The following MED15 variants were observed in gnomAD, a reference collection of about 807,000 sequenced individuals.
MED15 encodes mediator complex subunit 15, also known as mediator of RNA polymerase II transcription subunit 15.
A neutral mutation model predicts 118.7 loss-of-function variants in MED15; 41 were observed. The observed-to-expected ratio is 0.35, with a 90% confidence interval of 0.27 to 0.45. MED15 has a LOEUF of 0.45. Ranked by LOEUF, MED15 falls within the 20% of genes least tolerant of loss-of-function variation. MED15 has a pLI of 1.00. For synonymous variants in MED15, 436 were observed against 413.9 expected, an observed-to-expected ratio of 1.05 and a Z score of -0.65; for missense variants, 740 against 1,025.5, an observed-to-expected ratio of 0.72 and a Z score of 3.80.
At chr22:20,569,196 TGTTA>T (rs2056554982) in intron 8 of MED15, among the ~76,000 whole-genome samples, 4 of 152,070 alleles carry the variant, frequency 2.6e-5, no homozygotes, top group Admixed American at 2.0e-4. Context: ...GTGTGTCACG[TGTTA>T]GTGGAATGCA....
intron 7 of MED15, among the ~76,000 whole-genome samples, chr22:20,567,726 CAGGGTTTGCCCTGGT>C (rs1219947726): frequency 1.3e-5 from 2 of 152,148 alleles, no homozygotes; most frequent in African/African-American, 4.8e-5. Context: ...TGTGCCCTGG[CAGGGTTTGCCCTGGT>C]GACTTGGAGA....
At chr22:20,560,214 A>G (rs1405855670) in intron 5 of MED15, among the ~76,000 whole-genome samples, 1 of 152,020 alleles carries the variant, frequency 6.6e-6, no homozygotes, top group Non-Finnish European at 1.5e-5. Flanking sequence ...AGTCAGGCTA[A>G]CCTCCATACA....
chr22:20,548,725 C>T (rs2055653932), intron 2 of MED15, among the ~76,000 whole-genome samples: 1 of 152,220 alleles, frequency 6.6e-6, no homozygotes, highest in African/African-American at 2.4e-5. Context: ...TCTATCCTTT[C>T]TCCTTCCTTG....
rs762035348 is a variant in MED15 at position 20,564,411 on chromosome 22, T to C, written c.452-39T>C. The C allele has an allele frequency of 2.4e-5, 39 of 1,609,636 alleles. No homozygotes were observed. The Admixed American group carries it at 4.2e-4, about 17-fold the overall frequency. ...CAGCCCTGCAGCGTTTCTGGGAATC[T>C]GCCCTGTGGACTGACTGGCGACTCT... is the stretch of plus-strand genomic sequence containing the variant. On this transcript the variant is annotated intron_variant, in intron 5 of 17. Transcript: ENST00000263205.
chr22:20,583,816 CA>C (rs1223794294), intron 13 of MED15: 3 of 235,048 alleles, frequency 1.3e-5, no homozygotes, highest in Admixed American at 1.0e-4. Flanking sequence ...GAAAATGAAA[CA>C]AGGTGGCGCT....
At position 20,586,642 on chromosome 22, in the gene MED15, G is replaced by C. The variant is rs776439071; in HGVS notation, c.2305G>C (p.Val769Leu). 6.2e-7 allele frequency: 1 copy of C among 1,613,016 alleles called. No individual in the cohort carries two copies. Among genetic ancestry groups the C allele is most frequent in the Admixed American group, 1.7e-5 (1 of 60,026 alleles). The part of the protein sequence containing the change: ...RLLQLPDKHS[V>L]TALLNTWAQS... ...GCTGCAGCTCCCGGACAAGCACTCG[G>C]TCACCGCCTTGCTCAACACCTGGGC... Residue 769 changes from valine to leucine, a missense_variant, in exon 18 of 18, where the codon GTC becomes CTC. Val to Leu is a conservative substitution (Grantham distance 32). Coordinates refer to ENST00000263205, the MANE Select transcript of MED15 (RefSeq NM_001003891.3).
At chr22:20,541,375 A>G (rs2055303324) in intron 2 of MED15, among the ~76,000 whole-genome samples, 2 of 152,372 alleles carry the variant, frequency 1.3e-5, no homozygotes, top group South Asian at 2.1e-4. Context: ...ATCACTAGTC[A>G]TTAGGGGATT....
chr22:20,577,637 TC>T lies in MED15; in HGVS notation c.1272+2406del, dbSNP rs1214715745. 1.3e-4 allele frequency among the ~76,000 whole-genome samples: 20 copies of T among 152,012 alleles called. No individual in the cohort carries two copies. The East Asian group carries it at 3.1e-3, about 24-fold the overall frequency. ...CCTTGGAATAAATGCCATGGAGAAT[TC>T]TGGTTTGTCCTCATTGCACTGTGTG... On this transcript the variant is annotated intron_variant, in intron 9 of 17. Transcript: ENST00000263205.
intron 3 of MED15, chr22:20,552,500 C>G (rs1181401267): frequency 2.3e-6 from 1 of 429,630 alleles, no homozygotes; most frequent in Non-Finnish European, 4.8e-6. Context: ...GATGATCTGG[C>G]CCAGATGCGC....
At chr22:20,513,232 G>A (rs990360275) in intron 1 of MED15, among the ~76,000 whole-genome samples, 5 of 151,878 alleles carry the variant, frequency 3.3e-5, no homozygotes, top group Admixed American at 2.6e-4. Context: ...TGAAGCTCTG[G>A]AGCCCCTGCT....
At position 20,511,800 on chromosome 22, in the gene MED15, T is replaced by A. The variant is rs1190890101; in HGVS notation, c.68+4054T>A. Among the ~76,000 whole-genome samples, 4 of 152,180 alleles carry A rather than the reference T, an allele frequency of 2.6e-5. No homozygotes were observed. In the South Asian group the frequency reaches 8.3e-4, roughly 32 times the overall value. On this transcript the variant is annotated intron_variant, in intron 1 of 17. Transcript: ENST00000263205. ...ATCCTTCTTCCCCCAACAGCACAAG[T>A]GAGGGTGAGGCCTAAAGTGTAGCCA...
At chr22:20,536,509 A>C (rs1228970687) in intron 1 of MED15, among the ~76,000 whole-genome samples, 2 of 152,232 alleles carry the variant, frequency 1.3e-5, no homozygotes, top group South Asian at 2.1e-4. Flanking sequence ...ATGGGTTTTT[A>C]AAGATATTTT....
At chr22:20,520,163 G>A (rs1456461228) in intron 1 of MED15, among the ~76,000 whole-genome samples, 1 of 152,178 alleles carries the variant, frequency 6.6e-6, no homozygotes, top group African/African-American at 2.4e-5. Flanking sequence ...CCCAGCCTAC[G>A]TACCCCTTGC....
At chr22:20,564,101 C>T (rs928451082) in intron 5 of MED15, among the ~76,000 whole-genome samples, 4 of 152,126 alleles carry the variant, frequency 2.6e-5, no homozygotes, top group Non-Finnish European at 5.9e-5. Flanking sequence ...CAAAAGAGCA[C>T]ATGTTCGATG....
intron 7 of MED15, 121 bp downstream of exon 7, chr22:20,566,938 C>T (rs995275855): frequency 2.0e-6 from 3 of 1,509,860 alleles, no homozygotes; most frequent in Non-Finnish European, 8.9e-7. Flanking sequence ...TTCAGGCAGC[C>T]CCCACCCCTT....
intron 1 of MED15, among the ~76,000 whole-genome samples, chr22:20,510,879 C>T (rs1175918230): frequency 1.3e-5 from 2 of 152,152 alleles, no homozygotes; most frequent in African/African-American, 4.8e-5. Context: ...AGCATATTCA[C>T]AAGTTCTAGG....
intron 17 of MED15, among the ~76,000 whole-genome samples, chr22:20,586,074 C>T (rs924821612): frequency 1.3e-5 from 2 of 152,196 alleles, no homozygotes; most frequent in East Asian, 3.8e-4. Flanking sequence ...CGTCAGCTGT[C>T]CAGGGTGGTT....
chr22:20,566,727 A>G lies in MED15; in HGVS notation c.951A>G (p.Gln317=), dbSNP rs147537743. Reference sequence around the variant, plus strand: ...CAGTTGCTCAGAACCAACCATCACAACTCCCGCCACAGTCGCAGACCCAGC... The same window carrying G: ...CAGTTGCTCAGAACCAACCATCACAGCTCCCGCCACAGTCGCAGACCCAGC... ...QPPVAQNQPS[Q]LPPQSQTQPL... Residue 317 remains glutamine (Q), a synonymous_variant, in exon 7 of 18, where the codon CAA becomes CAG. Transcript: ENST00000263205. The G allele has an allele frequency of 2.8e-4, 445 of 1,612,502 alleles. 1 individual carries two copies. The African/African-American group carries it at 5.2e-3, about 19-fold the overall frequency.
chr22:20,518,746 C>T (rs2054339632), intron 1 of MED15: 1 of 371,046 alleles, frequency 2.7e-6, no homozygotes, highest in Admixed American at 3.3e-5. Context: ...TTAATTAAAG[C>T]CTGCCATGGT....
Sources: allele counts gnomAD v4.1 joint callset (sites outside exome capture counted in the v4.1 genomes callset), GRCh38; gene constraint gnomAD v4.1.1; transcripts MANE v1.5; gene names NCBI Gene and HGNC (gene_info 2026-07-23, HGNC 2026-07-21).